HNRNPC: variants seen among roughly 807,000 people sequenced by gnomAD.
HNRNPC encodes heterogeneous nuclear ribonucleoprotein C.
In HNRNPC, 3 loss-of-function variants were observed where a neutral mutation model predicts 33.2. The observed-to-expected ratio is 0.09, with a 90% CI of 0.04 to 0.23. The LOEUF (loss-of-function observed/expected upper bound fraction) is 0.23, where lower values mean the gene tolerates loss of function less well. Among genes scored for constraint, HNRNPC ranks in the 10% least tolerant of loss-of-function variants. The pLI, the probability that HNRNPC is intolerant of heterozygous loss-of-function variation, is 1.00. For missense variants in HNRNPC, 143 were observed against 366.7 expected, an observed-to-expected ratio of 0.39 and a Z score of 4.98; for synonymous variants, 121 against 126.7, an observed-to-expected ratio of 0.96 and a Z score of 0.30.
chr14:21,227,287 T>C (rs2139598787), intron 5 of HNRNPC, among the ~76,000 whole-genome samples: 1 of 151,740 alleles, frequency 6.6e-6, no homozygotes, highest in East Asian at 1.9e-4. Flanking sequence ...CCAACCCAAC[T>C]TGAGTAAGTT....
At position 21,234,194 on chromosome 14, in the gene HNRNPC, C is replaced by A; in HGVS notation, c.-1G>T. 6.2e-7 allele frequency: 1 copy of A among 1,613,242 alleles called. No individual in the cohort carries two copies. Among genetic ancestry groups the A allele is most frequent in the Non-Finnish European group, 8.5e-7 (1 of 1,179,406 alleles). On this transcript the variant is annotated 5_prime_UTR_variant, in exon 3 of 9. Coordinates refer to ENST00000553300, the MANE Select transcript of HNRNPC (RefSeq NM_004500.4). ...TCTTGTTGGTAACGTTGCTGGCCAT[C>A]GTGTTTGATGGTAAGGTTTCTCACA...
chr14:21,240,853 T>G (rs1438891534), intron 2 of HNRNPC, among the ~76,000 whole-genome samples: 1 of 152,188 alleles, frequency 6.6e-6, no homozygotes, highest in South Asian at 2.1e-4. Context: ...AGAAAAAAAT[T>G]AAACATGCTG....
intron 3 of HNRNPC, among the ~76,000 whole-genome samples, chr14:21,233,662 C>A (rs1301488787): frequency 2.0e-5 from 3 of 152,114 alleles, no homozygotes; most frequent in Non-Finnish European, 4.4e-5. Context: ...CTGCTGTGGG[C>A]AGGACACAAC....
chr14:21,254,369 T>C (rs1296434288), intron 2 of HNRNPC, among the ~76,000 whole-genome samples: 2 of 152,176 alleles, frequency 1.3e-5, no homozygotes, highest in Admixed American at 1.3e-4. Flanking sequence ...TCAGGTTAAA[T>C]TTAAAATTAT....
chr14:21,250,423 C>T (rs1020416377), intron 2 of HNRNPC, among the ~76,000 whole-genome samples: 1 of 152,060 alleles, frequency 6.6e-6, no homozygotes, highest in Non-Finnish European at 1.5e-5. Flanking sequence ...TTCCTTAAAA[C>T]ACTCAAGGAA....
At chr14:21,253,598 A>G (rs1411594584) in intron 2 of HNRNPC, among the ~76,000 whole-genome samples, 1 of 152,070 alleles carries the variant, frequency 6.6e-6, no homozygotes, top group African/African-American at 2.4e-5. Flanking sequence ...ATCTATCAAC[A>G]TTTTTACTAT....
rs1359628404 is a variant in HNRNPC, at chr14:21,231,865, AAATAT to A, written c.242-798_242-794del. Among the ~76,000 whole-genome samples, 34 of 152,298 alleles carry A rather than the reference AAATAT, an allele frequency of 2.2e-4. 1 individual carries two copies. Among genetic ancestry groups the A allele is most frequent in the African/African-American group, 7.9e-4 (33 of 41,556 alleles). The stretch of plus-strand genomic sequence containing the variant: ...GGTTCAGCTCATTCCGAATTATTAC[AAATAT>A]ATTAGAATGAAATATATTAAAATAT... On this transcript the variant is annotated intron_variant, in intron 3 of 8. Coordinates refer to ENST00000553300, the MANE Select transcript of HNRNPC (RefSeq NM_004500.4).
chr14:21,268,944 A>G (rs139164444), intron 1 of HNRNPC, among the ~76,000 whole-genome samples: 189 of 152,144 alleles, frequency 1.2e-3, no homozygotes, highest in Middle Eastern at 3.4e-3. Context: ...GAGGTAATAG[A>G]AGGCATCGGC....
chr14:21,245,084 C>CAAAAAAAAAAAAA (rs71112560), intron 2 of HNRNPC, among the ~76,000 whole-genome samples: 1 of 54,606 alleles, frequency 1.8e-5, no homozygotes, highest in Non-Finnish European at 3.9e-5. Context: ...GACTCCATCT[C>CAAAAAAAAAAAAA]AAAAAAAAAA....
chr14:21,218,815 C>A, intron 5 of HNRNPC, among the ~76,000 whole-genome samples: 1 of 144,986 alleles, frequency 6.9e-6, no homozygotes. Context: ...GCCTGTGAGA[C>A]AAAGAAAAAA....
At chr14:21,242,581 C>T (rs1352386634) in intron 2 of HNRNPC, among the ~76,000 whole-genome samples, 4 of 152,132 alleles carry the variant, frequency 2.6e-5, no homozygotes, top group Admixed American at 1.3e-4. Flanking sequence ...ATGCTAAAAG[C>T]GCCAGGTAAA....
intron 5 of HNRNPC, among the ~76,000 whole-genome samples, chr14:21,215,341 A>G (rs1226858466): frequency 6.6e-6 from 1 of 152,226 alleles, no homozygotes; most frequent in Non-Finnish European, 1.5e-5. Context: ...TATATTAAGA[A>G]GCTCAGTATG....
chr14:21,225,449 A>AC (rs1011093748), intron 5 of HNRNPC, among the ~76,000 whole-genome samples: 2 of 151,862 alleles, frequency 1.3e-5, no homozygotes, highest in Non-Finnish European at 2.9e-5. Context: ...GGAAAAAAAA[A>AC]AACAGAGAGA....
intron 5 of HNRNPC, among the ~76,000 whole-genome samples, chr14:21,229,161 C>A (rs566108138): frequency 1.3e-5 from 2 of 150,782 alleles, no homozygotes; most frequent in African/African-American, 4.9e-5. Context: ...GAGGCCAAGA[C>A]GGACGGATCA....
At chr14:21,260,387 A>T in intron 2 of HNRNPC, among the ~76,000 whole-genome samples, 1 of 151,438 alleles carries the variant, frequency 6.6e-6, no homozygotes, top group Middle Eastern at 3.4e-3. Context: ...AAAAAAAAAA[A>T]AAATCCCTTT....
chr14:21,243,491 T>C (rs534189137), intron 2 of HNRNPC, among the ~76,000 whole-genome samples: 3 of 152,346 alleles, frequency 2.0e-5, no homozygotes, highest in Admixed American at 6.5e-5. Flanking sequence ...AAAAATGATA[T>C]ACACCAGATT....
chr14:21,264,109 T>A (rs1878603133), intron 1 of HNRNPC: 1 of 152,084 alleles, frequency 6.6e-6, no homozygotes, highest in Non-Finnish European at 1.5e-5. Flanking sequence ...TAATGAGCAG[T>A]TTGGGCAAAG....
chr14:21,213,132 G>A lies in HNRNPC; in HGVS notation c.366-15C>T. On this transcript the variant is annotated splice_polypyrimidine_tract_variant and intron_variant, in intron 5 of 8. Coordinates refer to ENST00000553300, the MANE Select transcript of HNRNPC (RefSeq NM_004500.4). ...AACTGTACATCCTATTGGATAAGAG[G>A]AAAATGGAATTCATTCAAACCTAAC... The A allele has an allele frequency of 1.2e-6, 2 of 1,612,260 alleles. No individual in the cohort carries two copies. Among genetic ancestry groups the A allele is most frequent in the Non-Finnish European group, 1.7e-6 (2 of 1,178,646 alleles).
rs1357961413 is a variant in HNRNPC, at chr14:21,211,729, C to A, written c.637+81G>T. 3 of 1,436,426 alleles carry A rather than the reference C, an allele frequency of 2.1e-6. No homozygotes were observed. In the African/African-American group the frequency reaches 4.2e-5, roughly 20 times the overall value. The allele number at this position is 1,436,426 out of a possible 1,614,324, so 89.0% of individuals were successfully genotyped here. A position where few individuals can be genotyped will look rare whatever the true frequency, so the allele number is the denominator to read the frequency against. On this transcript the variant is annotated intron_variant, in intron 7 of 8. Coordinates refer to ENST00000553300, the MANE Select transcript of HNRNPC (RefSeq NM_004500.4). ...GTTTCATATTACATTGCTTTATATT[C>A]CACTATTCCAACATGTACTTTCAAG... is the stretch of plus-strand genomic sequence containing the variant.
Sources: gnomAD v4.1 joint callset for allele counts (sites outside exome capture counted in the v4.1 genomes callset) on GRCh38, gnomAD v4.1.1 for gene constraint, MANE v1.5 for transcripts, NCBI Gene and HGNC (gene_info 2026-07-23, HGNC 2026-07-21) for gene names.